Variants in SLC10A7 observed in about 807,000 individuals in gnomAD.
SLC10A7 encodes the protein sodium/bile acid cotransporter 7.
In SLC10A7, 29 loss-of-function variants were observed where a neutral mutation model predicts 43.2. That is an observed-to-expected ratio of 0.67 (90% CI 0.50 to 0.92). The LOEUF (loss-of-function observed/expected upper bound fraction) is 0.92, where lower values mean the gene tolerates loss of function less well. SLC10A7 is among the 40% of genes least tolerant of loss of function. The pLI, the probability that SLC10A7 is intolerant of heterozygous loss-of-function variation, is 0.00. For missense variants in SLC10A7, 295 were observed against 403.2 expected (o/e 0.73, Z 2.30); for synonymous variants, 152 against 144.8 (o/e 1.05, Z -0.35).
chr4:146,517,464 AAAT>A (rs925100105), intron 1 of SLC10A7, among the ~76,000 whole-genome samples: 6 of 151,670 alleles, frequency 4.0e-5, no homozygotes, highest in East Asian at 1.9e-4. Context: ...CTCTGTCTCA[AAAT>A]AATAATAATA....
intron 5 of SLC10A7, among the ~76,000 whole-genome samples, chr4:146,388,292 T>C (rs531507068): frequency 6.6e-6 from 1 of 152,234 alleles, no homozygotes; most frequent in Admixed American, 6.5e-5. Flanking sequence ...AACTGACCTT[T>C]GACAAAGTTG....
At chr4:146,442,585 T>G in intron 5 of SLC10A7, 198 bp downstream of exon 5, 3 of 1,417,420 alleles carry the variant, frequency 2.1e-6, no homozygotes, top group Non-Finnish European at 2.8e-6. Flanking sequence ...AACCCAAACC[T>G]CCAAAATATA....
At chr4:146,454,883 T>A (rs1389414199) in intron 4 of SLC10A7, among the ~76,000 whole-genome samples, 2 of 151,910 alleles carry the variant, frequency 1.3e-5, no homozygotes, top group East Asian at 3.9e-4. Context: ...AAATACTATT[T>A]ATTTATACTA....
At chr4:146,509,709 T>A (rs989260139) in intron 3 of SLC10A7, among the ~76,000 whole-genome samples, 1 of 152,184 alleles carries the variant, frequency 6.6e-6, no homozygotes, top group South Asian at 2.1e-4. Flanking sequence ...GGATGAAGCA[T>A]GAGGGTGTAT....
At chr4:146,363,354 T>G (rs4103540) in intron 5 of SLC10A7, among the ~76,000 whole-genome samples, 2 of 152,148 alleles carry the variant, frequency 1.3e-5, no homozygotes, top group African/African-American at 4.8e-5. Flanking sequence ...CAGCATCCAG[T>G]TATATTAAGC....
intron 4 of SLC10A7, among the ~76,000 whole-genome samples, chr4:146,460,159 G>A (rs998084894): frequency 6.6e-5 from 10 of 151,932 alleles, no homozygotes; most frequent in Admixed American, 2.0e-4. Flanking sequence ...TTACCAGCAA[G>A]AAGGGCTAAA....
chr4:146,303,637 T>G (rs1281474571), intron 7 of SLC10A7, among the ~76,000 whole-genome samples: 1 of 152,140 alleles, frequency 6.6e-6, no homozygotes, highest in Non-Finnish European at 1.5e-5. Flanking sequence ...ATCTCAGCCT[T>G]GCAAAGTGCT....
At chr4:146,449,156 C>T (rs932940811) in intron 4 of SLC10A7, among the ~76,000 whole-genome samples, 2 of 152,162 alleles carry the variant, frequency 1.3e-5, no homozygotes, top group African/African-American at 2.4e-5. Context: ...GGAACATTCT[C>T]ACCCAGTGCA....
intron 5 of SLC10A7, among the ~76,000 whole-genome samples, chr4:146,406,142 C>T (rs1264112750): frequency 6.6e-6 from 1 of 152,100 alleles, no homozygotes; most frequent in African/African-American, 2.4e-5. Context: ...TCAGTAGATT[C>T]TCAGTTCTTA....
chr4:146,446,748 CTAT>C (rs1731123682), intron 4 of SLC10A7, among the ~76,000 whole-genome samples: 20 of 106,922 alleles, frequency 1.9e-4, no homozygotes, highest in African/African-American at 6.0e-4. Flanking sequence ...GTTTATCTAT[CTAT>C]CTATCTATCT....
At chr4:146,416,132 T>C (rs1299641906) in intron 5 of SLC10A7, among the ~76,000 whole-genome samples, 1 of 152,100 alleles carries the variant, frequency 6.6e-6, no homozygotes, top group Non-Finnish European at 1.5e-5. Context: ...ATGATCAGCT[T>C]AGAGCAAGGG....
At chr4:146,276,035 T>A (rs554671936) in intron 10 of SLC10A7, among the ~76,000 whole-genome samples, 1 of 152,230 alleles carries the variant, frequency 6.6e-6, no homozygotes, top group South Asian at 2.1e-4. Context: ...CTCCCGCACA[T>A]CCCTGATGGT....
At chr4:146,261,565 T>A (rs1728225561) in intron 10 of SLC10A7, among the ~76,000 whole-genome samples, 1 of 152,204 alleles carries the variant, frequency 6.6e-6, no homozygotes, top group Non-Finnish European at 1.5e-5. Context: ...CTGGTTGCCC[T>A]CTTCTTACTC....
Position 146,385,493 on chromosome 4 carries a change from C to T in SLC10A7, c.435+57290G>A, listed in dbSNP as rs143491618. ...CTGTGTCATTTCATGTCATATGTTT[C>T]GCTTTATTTTTTCCAATTAGGTGAC... On this transcript the variant is annotated intron_variant, in intron 5 of 11. Transcript: ENST00000335472. Among the ~76,000 whole-genome samples, 652 of 152,152 alleles carry T rather than the reference C, an allele frequency of 4.3e-3. 3 individuals are homozygous for T. The highest frequency in any genetic ancestry group is 0.014 in the African/African-American group (587 of 41,518).
intron 4 of SLC10A7, among the ~76,000 whole-genome samples, chr4:146,501,396 G>A (rs1365383448): frequency 1.3e-5 from 2 of 152,124 alleles, no homozygotes; most frequent in Non-Finnish European, 2.9e-5. Context: ...TTCTCCTTCA[G>A]GGCACATAAA....
At chr4:146,310,070 G>T (rs1217081479) in intron 6 of SLC10A7, among the ~76,000 whole-genome samples, 1 of 152,116 alleles carries the variant, frequency 6.6e-6, no homozygotes, top group Non-Finnish European at 1.5e-5. Context: ...AGAACATGTA[G>T]TATTTTGTTT....
chr4:146,484,830 C>A (rs1465877817), intron 4 of SLC10A7, among the ~76,000 whole-genome samples: 1 of 152,070 alleles, frequency 6.6e-6, no homozygotes, highest in Non-Finnish European at 1.5e-5. Context: ...TAAATTAGAT[C>A]AATTCAAGAA....
At chr4:146,490,766 T>C (rs1362010540) in intron 4 of SLC10A7, among the ~76,000 whole-genome samples, 1 of 152,252 alleles carries the variant, frequency 6.6e-6, no homozygotes, top group East Asian at 1.9e-4. Flanking sequence ...CATTTAATTC[T>C]ATCCCCTCTT....
At chr4:146,327,087 G>T (rs1238551813) in intron 5 of SLC10A7, among the ~76,000 whole-genome samples, 1 of 151,932 alleles carries the variant, frequency 6.6e-6, no homozygotes, top group Non-Finnish European at 1.5e-5. Flanking sequence ...AAGTCCTTTT[G>T]GTATTTACAT....
Sources: gnomAD v4.1 joint callset for allele counts (sites outside exome capture counted in the v4.1 genomes callset) on GRCh38, gnomAD v4.1.1 for gene constraint, MANE v1.5 for transcripts, NCBI Gene and HGNC (gene_info 2026-07-23, HGNC 2026-07-21) for gene names.